The following RAPGEF6 variants were observed in gnomAD, a reference collection of about 807,000 sequenced individuals.
The protein encoded by RAPGEF6 is Rap guanine nucleotide exchange factor 6.
Under a neutral mutation model 171.4 loss-of-function variants are expected in RAPGEF6, and 56 were observed. The ratio of observed to expected loss-of-function variants is 0.33; its 90% CI spans 0.26 to 0.41. The LOEUF (loss-of-function observed/expected upper bound fraction) is 0.41. Ranked by LOEUF, RAPGEF6 falls within the 10% of genes least tolerant of loss-of-function variation. The probability of loss-of-function intolerance (pLI) is 1.00; values close to 1 mark genes in which losing one functional copy is unlikely to be tolerated. For missense variants in RAPGEF6, 1,674 were observed against 1,921.4 expected, an observed-to-expected ratio of 0.87 and a Z score of 2.41; for synonymous variants, 692 against 650.1, an observed-to-expected ratio of 1.06 and a Z score of -0.98.
intron 3 of RAPGEF6, among the ~76,000 whole-genome samples, chr5:131,594,187 T>TG (rs1763752641): frequency 6.6e-6 from 1 of 152,222 alleles, no homozygotes; most frequent in Non-Finnish European, 1.5e-5. Context: ...CAGCTCCATC[T>TG]GGGGGCAGAT....
intron 1 of RAPGEF6, among the ~76,000 whole-genome samples, chr5:131,615,127 T>C (rs918136611): frequency 6.6e-5 from 10 of 152,224 alleles, no homozygotes; most frequent in African/African-American, 2.4e-4. Context: ...TGTTTATAAG[T>C]GGGATCTATG....
chr5:131,583,096 T>C (rs1260587647), intron 4 of RAPGEF6, among the ~76,000 whole-genome samples: 1 of 152,202 alleles, frequency 6.6e-6, no homozygotes, highest in Non-Finnish European at 1.5e-5. Flanking sequence ...ACAACTCAAA[T>C]GTCCATCAGC....
intron 1 of RAPGEF6, among the ~76,000 whole-genome samples, chr5:131,630,108 T>C (rs1426575061): frequency 1.3e-5 from 2 of 152,186 alleles, no homozygotes; most frequent in African/African-American, 4.8e-5. Flanking sequence ...AGAAAGTCAA[T>C]TGATGTGGCA....
chr5:131,454,997 G>A (rs966074187), intron 20 of RAPGEF6, among the ~76,000 whole-genome samples: 1 of 152,064 alleles, frequency 6.6e-6, no homozygotes, highest in Non-Finnish European at 1.5e-5. Context: ...TGAAGTAAAG[G>A]CATTTTCAGA....
chr5:131,576,029 C>T (rs1046182791), intron 4 of RAPGEF6, among the ~76,000 whole-genome samples: 2 of 152,182 alleles, frequency 1.3e-5, no homozygotes, highest in Non-Finnish European at 2.9e-5. Context: ...CTCCTTCAAC[C>T]GTACTCACTA....
At position 131,472,628 on chromosome 5, in the gene RAPGEF6, A is replaced by G; in HGVS notation, c.2198T>C (p.Leu733Pro). ...GTLSSSSPDL[L>P]QPTTSMLDFS... Reference sequence around the variant, plus strand: ...ATCCAACATACTGGTGGTAGGCTGCAGGAGATCAGGGCTGCTGGATGAGAG... The same window carrying G: ...ATCCAACATACTGGTGGTAGGCTGCGGGAGATCAGGGCTGCTGGATGAGAG... Residue 733 changes from leucine to proline, a missense_variant, in exon 17 of 28, where the codon CTG (leucine) becomes CCG (proline). Leu to Pro is a moderately conservative substitution (Grantham distance 98). Coordinates refer to ENST00000509018, the MANE Select transcript of RAPGEF6 (RefSeq NM_016340.6). 1 of 1,614,088 alleles carries G rather than the reference A, an allele frequency of 6.2e-7. No homozygotes were observed. The highest frequency in any genetic ancestry group is 1.1e-5 in the South Asian group (1 of 91,070).
chr5:131,568,726 ACT>A (rs1472134604), intron 4 of RAPGEF6, among the ~76,000 whole-genome samples: 3 of 152,082 alleles, frequency 2.0e-5, no homozygotes, highest in African/African-American at 7.2e-5. Flanking sequence ...CATACTGGAG[ACT>A]CTCACCAGTA....
intron 15 of RAPGEF6, among the ~76,000 whole-genome samples, 187 bp from the exon 16 acceptor site, chr5:131,479,940 A>C (rs185102978): frequency 7.0e-4 from 107 of 152,198 alleles, no homozygotes; most frequent in Non-Finnish European, 1.1e-3. Context: ...TTTAGTTTTT[A>C]TACCTGATTA....
Position 131,431,002 on chromosome 5 carries a change from TCAGA to T in RAPGEF6, c.4318_4321del (p.Ser1440ThrfsTer47). Reference sequence around the variant, plus strand: ...TGTCCCATAGTTTGGTTCATACGTGTCAGACAGAGAACTGGAGGAGGTCCAACTC... The same window carrying T: ...TGTCCCATAGTTTGGTTCATACGTGTCAGAGAACTGGAGGAGGTCCAACTC... On this transcript the variant is annotated frameshift_variant, in exon 26 of 28. Coordinates refer to ENST00000509018, the MANE Select transcript of RAPGEF6 (RefSeq NM_016340.6). LOFTEE classifies it high-confidence loss of function. The T allele has an allele frequency of 6.2e-7, 1 of 1,614,220 alleles. No individual in the cohort carries two copies. The highest frequency in any genetic ancestry group is 8.5e-7 in the Non-Finnish European group (1 of 1,180,028).
chr5:131,445,168 T>C (rs188160400), intron 22 of RAPGEF6, among the ~76,000 whole-genome samples: 10 of 152,350 alleles, frequency 6.6e-5, no homozygotes, highest in Non-Finnish European at 1.3e-4. Context: ...CTCTATCCTT[T>C]CGTAGGTATT....
At chr5:131,521,104 T>C (rs1652676416) in intron 7 of RAPGEF6, among the ~76,000 whole-genome samples, 1 of 152,284 alleles carries the variant, frequency 6.6e-6, no homozygotes, top group South Asian at 2.1e-4. Flanking sequence ...AAGAACTAAT[T>C]TTTTAACCAA....
At chr5:131,466,637 C>T (rs1158182610) in intron 17 of RAPGEF6, among the ~76,000 whole-genome samples, 1 of 152,190 alleles carries the variant, frequency 6.6e-6, no homozygotes, top group African/African-American at 2.4e-5. Context: ...CACAAACTCT[C>T]TTTGCCTGCT....
intron 1 of RAPGEF6, among the ~76,000 whole-genome samples, chr5:131,612,619 G>C (rs1765000725): frequency 6.6e-6 from 1 of 152,112 alleles, no homozygotes; most frequent in Non-Finnish European, 1.5e-5. Context: ...AAATGTGCTT[G>C]TAATTTTTGA....
intron 5 of RAPGEF6, 32 bp downstream of exon 5, chr5:131,561,946 A>G (rs1226110592): frequency 6.6e-7 from 1 of 1,518,016 alleles, no homozygotes; most frequent in Non-Finnish European, 9.1e-7. Context: ...GAAGCATATC[A>G]AAAACAATTC....
intron 7 of RAPGEF6, among the ~76,000 whole-genome samples, chr5:131,517,687 C>T (rs1478883920): frequency 6.7e-6 from 1 of 149,234 alleles, no homozygotes; most frequent in Admixed American, 6.8e-5. Flanking sequence ...TAAAGGCAGC[C>T]TAAGGTGAAA....
chr5:131,504,821 C>T (rs1472257312), intron 10 of RAPGEF6, 43 bp from the exon 11 acceptor site: 12 of 1,547,878 alleles, frequency 7.8e-6, no homozygotes, highest in African/African-American at 1.4e-5. Context: ...ACCTATAGTA[C>T]ATAAATATAT....
chr5:131,524,515 C>T (rs1177558950), intron 6 of RAPGEF6, among the ~76,000 whole-genome samples: 1 of 147,690 alleles, frequency 6.8e-6, no homozygotes, highest in African/African-American at 2.5e-5. Flanking sequence ...ATAGACCATG[C>T]AAACACAACC....
At chr5:131,465,915 T>G (rs1754303700) in intron 17 of RAPGEF6, among the ~76,000 whole-genome samples, 1 of 152,130 alleles carries the variant, frequency 6.6e-6, no homozygotes, top group Admixed American at 6.5e-5. Context: ...ATCACCTTCT[T>G]AGCATTATGG....
intron 15 of RAPGEF6, among the ~76,000 whole-genome samples, chr5:131,482,070 G>A (rs1303372755): frequency 6.6e-6 from 1 of 152,136 alleles, no homozygotes; most frequent in Non-Finnish European, 1.5e-5. Context: ...TTGTAAATCT[G>A]GACTGATTTG....
Sources: gnomAD v4.1 joint callset for allele counts (sites outside exome capture counted in the v4.1 genomes callset) on GRCh38, gnomAD v4.1.1 for gene constraint, MANE v1.5 for transcripts, NCBI Gene and HGNC (gene_info 2026-07-23, HGNC 2026-07-21) for gene names.